The following CNTNAP5 variants were observed in gnomAD, a reference collection of about 807,000 sequenced individuals.
CNTNAP5 encodes the protein contactin associated protein family member 5.
CNTNAP5 carries 72 observed loss-of-function variants against 150.2 expected under a neutral mutation model. The observed-to-expected ratio is 0.48, with a 90% confidence interval of 0.40 to 0.58. The LOEUF (loss-of-function observed/expected upper bound fraction) is 0.58, where lower values mean the gene tolerates loss of function less well. Among genes scored for constraint, CNTNAP5 ranks in the 20% least tolerant of loss-of-function variants. CNTNAP5 has a pLI of 0.00. For synonymous variants in CNTNAP5, 672 were observed against 619.8 expected (o/e 1.08, Z -1.25); for missense variants, 1,636 against 1,626.2 (o/e 1.01, Z -0.10).
chr2:124,852,953 C>T (rs1328469953), intron 19 of CNTNAP5, among the ~76,000 whole-genome samples: 1 of 152,120 alleles, frequency 6.6e-6, no homozygotes, highest in Non-Finnish European at 1.5e-5. Flanking sequence ...GTGGTAAAAA[C>T]TAAAAGGGGA....
chr2:124,442,061 A>T (rs1056410479), intron 5 of CNTNAP5, among the ~76,000 whole-genome samples: 3 of 152,138 alleles, frequency 2.0e-5, no homozygotes, highest in Admixed American at 2.0e-4. Context: ...ATTTAAGAAG[A>T]AGTACTTTTA....
chr2:124,294,691 G>A (rs963177736), intron 3 of CNTNAP5, among the ~76,000 whole-genome samples: 1 of 152,322 alleles, frequency 6.6e-6, no homozygotes, highest in African/African-American at 2.4e-5. Context: ...AATGCTATGC[G>A]CAGCTACTGG....
At chr2:124,542,975 C>A (rs1007995041) in intron 10 of CNTNAP5, among the ~76,000 whole-genome samples, 8 of 152,048 alleles carry the variant, frequency 5.3e-5, no homozygotes, top group African/African-American at 1.9e-4. Flanking sequence ...CATTGTATAC[C>A]CAAAACTCTG....
chr2:124,205,829 G>A (rs72962807), intron 1 of CNTNAP5, among the ~76,000 whole-genome samples: 1,649 of 152,094 alleles, frequency 0.011, 31 homozygotes, highest in African/African-American at 0.038. Flanking sequence ...TTCTCAGCCT[G>A]CGTGTTTTGG....
At chr2:124,037,790 A>G (rs1482022817) in intron 1 of CNTNAP5, among the ~76,000 whole-genome samples, 3 of 152,212 alleles carry the variant, frequency 2.0e-5, no homozygotes, top group Non-Finnish European at 2.9e-5. Flanking sequence ...CTTAACAATA[A>G]TGTATTATAT....
chr2:124,280,572 A>T (rs528699157), intron 3 of CNTNAP5, among the ~76,000 whole-genome samples: 1 of 152,190 alleles, frequency 6.6e-6, no homozygotes, highest in Admixed American at 6.5e-5. Context: ...GACAATGGCG[A>T]GTGATTTCAG....
At position 124,720,698 on chromosome 2, in the gene CNTNAP5, A is replaced by G. The variant is rs150557805; in HGVS notation, c.2078-26531A>G. ...CTGAGATCCTGAGAATAAAAACCAC[A>G]ACACTCAGAAATTAAAATGTCAACT... is the stretch of plus-strand genomic sequence containing the variant. On this transcript the variant is annotated intron_variant, in intron 13 of 23. Transcript: ENST00000682447. 4.5e-4 allele frequency among the ~76,000 whole-genome samples: 68 copies of G among 152,328 alleles called. No homozygotes were observed. The East Asian group carries it at 0.012, about 27-fold the overall frequency.
rs1346306826 is a variant in CNTNAP5 at position 124,434,510 on chromosome 2, C to G, written c.556C>G (p.Arg186Gly). The G allele has an allele frequency of 5.0e-6, 8 of 1,613,834 alleles. No homozygotes were observed. Among genetic ancestry groups the G allele is most frequent in the Non-Finnish European group, 5.9e-6 (7 of 1,179,776 alleles). Residue 186 changes from arginine to glycine, a missense_variant, in exon 5 of 24, where the codon CGA (arginine) becomes GGA (glycine). Transcript: ENST00000682447. ...ATCAGATGTTGCTGACTTTGATGGC[C>G]GAAGCTCACTTCTGTACAGGTTCAA... is the stretch of plus-strand genomic sequence containing the variant. ...YKSDVADFDGRSSLLYRFNQK... is the reference protein window; with the variant it reads ...YKSDVADFDGGSSLLYRFNQK...
chr2:124,699,319 G>T (rs1022809449), intron 13 of CNTNAP5, among the ~76,000 whole-genome samples: 2 of 152,096 alleles, frequency 1.3e-5, no homozygotes, highest in African/African-American at 4.8e-5. Flanking sequence ...CTTTGGATGC[G>T]TTGCCTGTTT....
intron 1 of CNTNAP5, among the ~76,000 whole-genome samples, chr2:124,072,747 T>C (rs1316727672): frequency 6.6e-6 from 1 of 151,960 alleles, no homozygotes; most frequent in Non-Finnish European, 1.5e-5. Context: ...TATTCATGCA[T>C]CAGGTGAATC....
intron 1 of CNTNAP5, among the ~76,000 whole-genome samples, chr2:124,060,873 G>C (rs1681991601): frequency 6.6e-6 from 1 of 152,104 alleles, no homozygotes; most frequent in Non-Finnish European, 1.5e-5. Flanking sequence ...ACTTGTCATG[G>C]TGTTTTTTTG....
intron 1 of CNTNAP5, among the ~76,000 whole-genome samples, chr2:124,066,906 C>T (rs6730550): frequency 0.39 from 59,138 of 151,846 alleles, 11,948 homozygotes; most frequent in Admixed American, 0.44. Flanking sequence ...TTTTAAATGG[C>T]CAAATGGTAT....
chr2:124,789,998 C>T lies in CNTNAP5; in HGVS notation c.2849C>T (p.Thr950Ile), dbSNP rs1447788830. 3.7e-6 allele frequency: 6 copies of T among 1,613,952 alleles called. No homozygotes were observed. Among genetic ancestry groups the T allele is most frequent in the South Asian group, 2.2e-5 (2 of 91,080 alleles). Residue 950 changes from threonine to isoleucine, a missense_variant, in exon 18 of 24, where the codon ACA (threonine) becomes ATA (isoleucine). Transcript: ENST00000682447. ...GACCTGGAAGAGAGGGCAAAGGTCA[C>T]ATCTGGAGTCAGGCCAGGCTGCCCC... ...KMDLEERAKV[T>I]SGVRPGCPGH...
chr2:124,103,347 A>G (rs1192755216), intron 1 of CNTNAP5, among the ~76,000 whole-genome samples: 1 of 152,100 alleles, frequency 6.6e-6, no homozygotes. Context: ...TTTTTAAAAT[A>G]AGTGTAGGGT....
intron 1 of CNTNAP5, among the ~76,000 whole-genome samples, chr2:124,147,080 A>G (rs931153718): frequency 6.6e-6 from 1 of 152,200 alleles, no homozygotes; most frequent in Admixed American, 6.5e-5. Flanking sequence ...ATGATACAAA[A>G]AGGGGAAAAA....
At chr2:124,026,432 A>G (rs933906307) in intron 1 of CNTNAP5, among the ~76,000 whole-genome samples, 46 of 152,262 alleles carry the variant, frequency 3.0e-4, no homozygotes, top group African/African-American at 1.1e-3. Context: ...CCAAGCTCTA[A>G]CCTCGGCAAG....
chr2:124,290,553 G>A (rs1688261144), intron 3 of CNTNAP5, among the ~76,000 whole-genome samples: 1 of 152,132 alleles, frequency 6.6e-6, no homozygotes, highest in African/African-American at 2.4e-5. Context: ...TTACTCACAG[G>A]TCACAAGTCT....
intron 1 of CNTNAP5, among the ~76,000 whole-genome samples, chr2:124,062,599 G>A (rs1311111374): frequency 1.3e-5 from 2 of 152,156 alleles, no homozygotes; most frequent in Non-Finnish European, 2.9e-5. Flanking sequence ...ACGGGCTCCA[G>A]AGCATAGTAG....
chr2:124,763,641 CCT>C (rs1375935757), intron 14 of CNTNAP5, 29 bp from the exon 15 acceptor site: 2 of 1,597,482 alleles, frequency 1.3e-6, no homozygotes, highest in East Asian at 2.3e-5. Flanking sequence ...CACATTTTGT[CCT>C]CTTTTTTTCT....
Sources: gnomAD v4.1 joint callset for allele counts (sites outside exome capture counted in the v4.1 genomes callset) on GRCh38, gnomAD v4.1.1 for gene constraint, MANE v1.5 for transcripts, NCBI Gene and HGNC (gene_info 2026-07-23, HGNC 2026-07-21) for gene names.